The following PRKCB variants were observed in gnomAD, a reference collection of about 807,000 sequenced individuals.
PRKCB encodes the protein protein kinase C beta type.
A neutral mutation model predicts 81.5 loss-of-function variants in PRKCB; 13 were observed. The ratio of observed to expected loss-of-function variants is 0.16; its 90% CI spans 0.10 to 0.25. The LOEUF is 0.25. Ranked by LOEUF, PRKCB falls within the 10% of genes least tolerant of loss-of-function variation. The probability of loss-of-function intolerance (pLI) is 1.00; values close to 1 mark genes in which losing one functional copy is unlikely to be tolerated. For synonymous variants in PRKCB, 335 were observed against 321.4 expected (o/e 1.04, Z -0.45); for missense variants, 509 against 875.7 (o/e 0.58, Z 5.29).
At chr16:24,183,081 C>T (rs1967652694) in intron 13 of PRKCB, among the ~76,000 whole-genome samples, 2 of 151,944 alleles carry the variant, frequency 1.3e-5, no homozygotes, top group African/African-American at 2.4e-5. Context: ...AGGATGGTCG[C>T]GATCTCCTGA....
At chr16:24,168,658 C>G (rs1967388905) in intron 10 of PRKCB, among the ~76,000 whole-genome samples, 1 of 146,696 alleles carries the variant, frequency 6.8e-6, no homozygotes, top group Non-Finnish European at 1.5e-5. Flanking sequence ...TCAAGCGATC[C>G]TCTTGCCTCA....
At chr16:24,027,791 A>G (rs1965500930) in intron 3 of PRKCB, among the ~76,000 whole-genome samples, 1 of 152,090 alleles carries the variant, frequency 6.6e-6, no homozygotes, top group African/African-American at 2.4e-5. Context: ...TTTTTTTGAG[A>G]CAGGGTCTTG....
At chr16:23,930,229 TATGG>T (rs1348673611) in intron 2 of PRKCB, among the ~76,000 whole-genome samples, 3 of 152,060 alleles carry the variant, frequency 2.0e-5, no homozygotes, top group African/African-American at 7.2e-5. Context: ...GTATGGATTG[TATGG>T]ATGGGCAGGT....
chr16:23,892,301 G>A (rs1423972623), intron 2 of PRKCB, among the ~76,000 whole-genome samples: 1 of 152,120 alleles, frequency 6.6e-6, no homozygotes, highest in African/African-American at 2.4e-5. Flanking sequence ...CGTGCTTTAT[G>A]CCCTAGACTT....
chr16:23,931,444 G>C (rs1963973786), intron 2 of PRKCB, among the ~76,000 whole-genome samples: 1 of 152,194 alleles, frequency 6.6e-6, no homozygotes, highest in South Asian at 2.1e-4. Flanking sequence ...GGAAGACAGG[G>C]ACCCCTGTGT....
intron 5 of PRKCB, among the ~76,000 whole-genome samples, chr16:24,077,754 G>A (rs1966198934): frequency 1.3e-5 from 2 of 152,196 alleles, no homozygotes; most frequent in African/African-American, 4.8e-5. Context: ...AACAGTAGGA[G>A]AAACAGGAAA....
chr16:23,854,199 G>A (rs1417715496), intron 2 of PRKCB, among the ~76,000 whole-genome samples: 2 of 151,728 alleles, frequency 1.3e-5, no homozygotes, highest in Non-Finnish European at 2.9e-5. Context: ...ATCACCTGTG[G>A]ACATCCCAAG....
chr16:24,182,439 T>G (rs117121148), intron 13 of PRKCB, among the ~76,000 whole-genome samples: 460 of 152,262 alleles, frequency 3.0e-3, no homozygotes, highest in Non-Finnish European at 4.4e-3. Flanking sequence ...GAGGATCACT[T>G]GAGCCCAGCA....
At position 24,180,809 on chromosome 16, in the gene PRKCB, G is replaced by C; in HGVS notation, c.1414G>C (p.Val472Leu). 1.2e-6 allele frequency: 2 copies of C among 1,614,104 alleles called. No homozygotes were observed. The highest frequency in any genetic ancestry group is 1.3e-5 in the African/African-American group (1 of 75,034). The change falls in exon 13 of 17, where the codon GTG becomes CTG. Residue 472 changes from valine to leucine, a missense_variant. Transcript: ENST00000643927. Reference sequence around the variant, plus strand: ...CCATAGTGACCTAAAACTTGACAACGTGATGCTCGATTCTGAGGGACACAT... The same window carrying C: ...CCATAGTGACCTAAAACTTGACAACCTGATGCTCGATTCTGAGGGACACAT... ...IIYRDLKLDN[V>L]MLDSEGHIKI...
chr16:24,141,385 G>T (rs549489766), intron 9 of PRKCB, among the ~76,000 whole-genome samples: 1 of 151,970 alleles, frequency 6.6e-6, no homozygotes, highest in Non-Finnish European at 1.5e-5. Context: ...TAGTAGAGAC[G>T]GGGTTTCACC....
At chr16:23,846,933 C>G (rs1200502653) in intron 2 of PRKCB, among the ~76,000 whole-genome samples, 1 of 151,948 alleles carries the variant, frequency 6.6e-6, no homozygotes, top group African/African-American at 2.4e-5. Flanking sequence ...TGCCATTTGT[C>G]CTGCTTGTTT....
At chr16:24,161,274 G>T (rs1357097403) in intron 10 of PRKCB, among the ~76,000 whole-genome samples, 1 of 151,960 alleles carries the variant, frequency 6.6e-6, no homozygotes, top group African/African-American at 2.4e-5. Flanking sequence ...TCTTATATTG[G>T]AATAAAAATA....
intron 2 of PRKCB, among the ~76,000 whole-genome samples, chr16:23,982,111 C>G (rs1596497442): frequency 2.0e-5 from 1 of 50,756 alleles, no homozygotes; most frequent in Non-Finnish European, 3.9e-5. Context: ...CCTTCCCTTC[C>G]CTTTCCCTTC....
At chr16:24,098,346 T>C (rs1261808090) in intron 7 of PRKCB, 1 of 152,200 alleles carries the variant, frequency 6.6e-6, no homozygotes, top group Non-Finnish European at 1.5e-5. Context: ...GTTCGTGTAG[T>C]CAGTAGAAAA....
At chr16:24,107,103 C>T (rs1966588619) in intron 7 of PRKCB, among the ~76,000 whole-genome samples, 1 of 152,196 alleles carries the variant, frequency 6.6e-6, no homozygotes, top group African/African-American at 2.4e-5. Context: ...GCTGTGTTCA[C>T]TGTCTCAAAT....
chr16:24,079,879 C>T (rs866599467), intron 5 of PRKCB, among the ~76,000 whole-genome samples: 9 of 152,104 alleles, frequency 5.9e-5, no homozygotes, highest in Middle Eastern at 6.3e-3. Context: ...ATATTTATTA[C>T]GTCAAGAAAA....
At chr16:24,171,589 A>G (rs564289262) in intron 10 of PRKCB, among the ~76,000 whole-genome samples, 2 of 152,292 alleles carry the variant, frequency 1.3e-5, no homozygotes, top group South Asian at 4.1e-4. Flanking sequence ...TACTACAGCT[A>G]TCTATCACCT....
chr16:24,219,686 A>G lies in PRKCB; in HGVS notation c.*4870A>G. 1 of 1,264,232 alleles carries G rather than the reference A, an allele frequency of 7.9e-7. No homozygotes were observed. Among genetic ancestry groups the G allele is most frequent in the Non-Finnish European group, 1.0e-6 (1 of 1,003,702 alleles). The allele number at this position is 1,264,232 out of a possible 1,614,324, so 78.3% of individuals were successfully genotyped here. A position where few individuals can be genotyped will look rare whatever the true frequency, so the allele number is the denominator to read the frequency against. On this transcript the variant is annotated 3_prime_UTR_variant, in exon 17 of 17. Transcript: ENST00000643927. Reference sequence around the variant, plus strand: ...CACACACACACACACACACACACACACACACACACACACACACCACTTTAT... The same window carrying G: ...CACACACACACACACACACACACACGCACACACACACACACACCACTTTAT...
intron 9 of PRKCB, chr16:24,151,899 AG>A (rs1567393429): frequency 2.2e-6 from 1 of 454,802 alleles, no homozygotes; most frequent in Admixed American, 2.4e-5. Context: ...TCCCTGGTGA[AG>A]GGGGAAATTC....
Sources: gnomAD v4.1 joint callset for allele counts (sites outside exome capture counted in the v4.1 genomes callset) on GRCh38, gnomAD v4.1.1 for gene constraint, MANE v1.5 for transcripts, NCBI Gene and HGNC (gene_info 2026-07-23, HGNC 2026-07-21) for gene names.